Variants in KSR2 observed in about 807,000 individuals in gnomAD.
The protein encoded by KSR2 is kinase suppressor of ras 2.
A neutral mutation model predicts 107.8 loss-of-function variants in KSR2; 25 were observed. The ratio of observed to expected loss-of-function variants is 0.23; its 90% CI spans 0.17 to 0.32. The LOEUF is 0.32. Ranked by LOEUF, KSR2 falls within the 10% of genes least tolerant of loss-of-function variation. KSR2 has a pLI of 1.00. For missense variants in KSR2, 887 were observed against 1,268.9 expected (o/e 0.70, Z 4.57); for synonymous variants, 480 against 507.0 (o/e 0.95, Z 0.71).
intron 3 of KSR2, 32 bp downstream of exon 3, chr12:117,855,396 T>C: frequency 1.2e-6 from 2 of 1,613,432 alleles, no homozygotes; most frequent in Non-Finnish European, 1.7e-6. Flanking sequence ...TGGGGACAAG[T>C]CTCCACATCC....
At chr12:117,834,197 G>A (rs1892103018) in intron 3 of KSR2, among the ~76,000 whole-genome samples, 1 of 151,844 alleles carries the variant, frequency 6.6e-6, no homozygotes, top group African/African-American at 2.4e-5. Flanking sequence ...GAAGGACTCG[G>A]CTGAATAAAG....
intron 5 of KSR2, among the ~76,000 whole-genome samples, chr12:117,649,317 A>G (rs1274706715): frequency 1.3e-5 from 2 of 152,152 alleles, no homozygotes; most frequent in Non-Finnish European, 2.9e-5. Flanking sequence ...CCTCCCTGAT[A>G]CTCAGTATCT....
At chr12:117,947,915 AGACT>A (rs1257716944) in intron 1 of KSR2, among the ~76,000 whole-genome samples, 3 of 152,184 alleles carry the variant, frequency 2.0e-5, no homozygotes, top group Non-Finnish European at 4.4e-5. Context: ...ATAGTTTGGA[AGACT>A]TTAGTTAGTT....
intron 1 of KSR2, among the ~76,000 whole-genome samples, chr12:117,887,779 G>A (rs1894219072): frequency 6.6e-6 from 1 of 151,902 alleles, no homozygotes; most frequent in African/African-American, 2.4e-5. Context: ...TCTCACCAAT[G>A]TTTCCTTTCA....
At chr12:117,589,922 A>G (rs972120649) in intron 5 of KSR2, among the ~76,000 whole-genome samples, 6 of 152,180 alleles carry the variant, frequency 3.9e-5, no homozygotes, top group Non-Finnish European at 8.8e-5. Flanking sequence ...CTTGATGGCT[A>G]TGGAGGCTTC....
chr12:117,913,545 A>G (rs1373490268), intron 1 of KSR2, among the ~76,000 whole-genome samples: 1 of 152,212 alleles, frequency 6.6e-6, no homozygotes, highest in Non-Finnish European at 1.5e-5. Context: ...CCCTAAATCC[A>G]ATGAAGGCAT....
chr12:117,913,260 G>A (rs1176681721), intron 1 of KSR2, among the ~76,000 whole-genome samples: 3 of 152,132 alleles, frequency 2.0e-5, no homozygotes, highest in Admixed American at 6.5e-5. Context: ...TCATGTGTCA[G>A]TGTGTTAAGG....
intron 1 of KSR2, among the ~76,000 whole-genome samples, chr12:117,955,537 A>G (rs530310091): frequency 2.6e-5 from 4 of 152,302 alleles, no homozygotes; most frequent in South Asian, 4.1e-4. Context: ...TCAGAGCTCA[A>G]GCCCTCCTAA....
chr12:117,657,942 A>G (rs1423662914), intron 5 of KSR2, among the ~76,000 whole-genome samples: 1 of 152,272 alleles, frequency 6.6e-6, no homozygotes, highest in Non-Finnish European at 1.5e-5. Flanking sequence ...CATTGTGCTA[A>G]GTGCTTCTAA....
intron 4 of KSR2, among the ~76,000 whole-genome samples, chr12:117,751,186 A>G (rs1888600045): frequency 6.6e-6 from 1 of 152,040 alleles, no homozygotes; most frequent in African/African-American, 2.4e-5. Context: ...TTTGCTCTGC[A>G]CTTCTCCTTG....
intron 4 of KSR2, among the ~76,000 whole-genome samples, chr12:117,732,021 G>A (rs1473494260): frequency 1.5e-5 from 2 of 134,018 alleles, no homozygotes; most frequent in Non-Finnish European, 1.6e-5. Flanking sequence ...AAACACCCAA[G>A]AATGATCAAC....
chr12:117,716,077 C>T (rs1886966505), intron 4 of KSR2, among the ~76,000 whole-genome samples: 1 of 152,188 alleles, frequency 6.6e-6, no homozygotes, highest in African/African-American at 2.4e-5. Flanking sequence ...AATCTCAGCA[C>T]CCTGTCTGCT....
intron 3 of KSR2, among the ~76,000 whole-genome samples, chr12:117,822,115 C>A (rs2137081646): frequency 6.6e-6 from 1 of 152,296 alleles, no homozygotes; most frequent in Non-Finnish European, 1.5e-5. Context: ...AATGCCATGG[C>A]AACATCAGAA....
At chr12:117,739,567 A>C (rs151257574) in intron 4 of KSR2, among the ~76,000 whole-genome samples, 1 of 152,300 alleles carries the variant, frequency 6.6e-6, no homozygotes, top group East Asian at 1.9e-4. Flanking sequence ...TAATGATGTT[A>C]TTAACAGCAT....
intron 14 of KSR2, among the ~76,000 whole-genome samples, chr12:117,498,404 G>A (rs1873172581): frequency 6.6e-6 from 1 of 152,152 alleles, no homozygotes; most frequent in African/African-American, 2.4e-5. Context: ...AGCAAAGCAG[G>A]CTGCAGGTGG....
intron 1 of KSR2, among the ~76,000 whole-genome samples, chr12:117,953,317 T>C (rs1896419103): frequency 6.6e-6 from 1 of 152,120 alleles, no homozygotes; most frequent in South Asian, 2.1e-4. Context: ...CCAGTGATTC[T>C]GCCCCTGGTA....
At position 117,454,267 on chromosome 12, in the gene KSR2, G is replaced by A. The variant is rs1476482912; in HGVS notation, c.*12932C>T. The A allele has an allele frequency of 6.6e-6, 1 of 151,670 alleles. No individual in the cohort carries two copies. The highest frequency in any genetic ancestry group is 2.4e-5 in the African/African-American group (1 of 40,924). The allele number at this position is 151,670 out of a possible 1,614,324, so 9.4% of individuals were successfully genotyped here. A position where few individuals can be genotyped will look rare whatever the true frequency, so the allele number is the denominator to read the frequency against. On this transcript the variant is annotated 3_prime_UTR_variant, in exon 20 of 20. Coordinates refer to ENST00000339824, the MANE Select transcript of KSR2 (RefSeq NM_173598.6). ...GTGCTCGTGGGTTGCACAAAGCTAA[G>A]AAAATTCAAGGAATACTCTGGAGGG...
chr12:117,731,794 G>C (rs993791921), intron 4 of KSR2, among the ~76,000 whole-genome samples: 2 of 151,132 alleles, frequency 1.3e-5, no homozygotes, highest in Non-Finnish European at 2.9e-5. Context: ...ATGGATTAAG[G>C]GCGGTGCAAG....
At chr12:117,749,878 C>A (rs373812851) in intron 4 of KSR2, among the ~76,000 whole-genome samples, 4 of 152,020 alleles carry the variant, frequency 2.6e-5, no homozygotes, top group African/African-American at 9.7e-5. Context: ...TATTCTTGCT[C>A]CAGAGCTAAG....
Sources: allele counts gnomAD v4.1 joint callset (sites outside exome capture counted in the v4.1 genomes callset), GRCh38; gene constraint gnomAD v4.1.1; transcripts MANE v1.5; gene names NCBI Gene and HGNC (gene_info 2026-07-23, HGNC 2026-07-21).